The following CREB1 variants were observed in gnomAD, a reference collection of about 807,000 sequenced individuals.
The protein encoded by CREB1 is cAMP responsive element binding protein 1, also known as cyclic AMP-responsive element-binding protein 1.
In CREB1, 2 loss-of-function variants were observed where a neutral mutation model predicts 42.0. The ratio of observed to expected loss-of-function variants is 0.05; its 90% CI spans 0.02 to 0.15. The LOEUF is 0.15. CREB1 is among the 10% of genes least tolerant of loss of function. The probability of loss-of-function intolerance (pLI) is 1.00; values close to 1 mark genes in which losing one functional copy is unlikely to be tolerated. For synonymous variants in CREB1, 123 were observed against 139.9 expected (o/e 0.88, Z 0.85); for missense variants, 199 against 388.9 (o/e 0.51, Z 4.11).
chr2:207,596,070 G>C (rs1011925082), intron 7 of CREB1, among the ~76,000 whole-genome samples: 2 of 152,116 alleles, frequency 1.3e-5, no homozygotes, highest in African/African-American at 2.4e-5. Context: ...ATGTCAGAGA[G>C]TGTTTTCTTC....
At chr2:207,588,706 C>G (rs1485289004) in intron 7 of CREB1, among the ~76,000 whole-genome samples, 4 of 138,040 alleles carry the variant, frequency 2.9e-5, no homozygotes, top group Non-Finnish European at 6.1e-5. Flanking sequence ...TGGATTTATA[C>G]CCAAGTATGA....
At chr2:207,530,443 G>T (rs1333830698) in intron 1 of CREB1, among the ~76,000 whole-genome samples, 1 of 145,478 alleles carries the variant, frequency 6.9e-6, no homozygotes, top group African/African-American at 2.5e-5. Flanking sequence ...GGGGGTGTGT[G>T]CGGGCGGCCG....
At position 207,570,114 on chromosome 2, in the gene CREB1, A is replaced by G. The variant is rs1328643174; in HGVS notation, c.363-65A>G. ...TCTGTGAGTTTTCTCATCTTTAACT[A>G]TATTTGTATTTAGCCAGTAAATTGT... On this transcript the variant is annotated intron_variant, in intron 4 of 7. Transcript: ENST00000353267. 5 of 1,229,866 alleles carry G rather than the reference A, an allele frequency of 4.1e-6. No homozygotes were observed. The African/African-American group carries it at 6.3e-5, about 15-fold the overall frequency. The allele number at this position is 1,229,866 out of a possible 1,614,324, so 76.2% of individuals were successfully genotyped here.
At chr2:207,534,273 G>C (rs1318615808) in intron 1 of CREB1, among the ~76,000 whole-genome samples, 1 of 152,154 alleles carries the variant, frequency 6.6e-6, no homozygotes, top group Non-Finnish European at 1.5e-5. Context: ...GTCTTGCTCT[G>C]TTGCCCAGGA....
chr2:207,586,655 A>C (rs1454915799), intron 7 of CREB1, among the ~76,000 whole-genome samples: 1 of 152,230 alleles, frequency 6.6e-6, no homozygotes, highest in African/African-American at 2.4e-5. Context: ...CAAACTGTTC[A>C]TCTGACAAGG....
intron 1 of CREB1, among the ~76,000 whole-genome samples, chr2:207,532,916 C>T (rs906697856): frequency 6.6e-6 from 1 of 151,670 alleles, no homozygotes; most frequent in African/African-American, 2.4e-5. Context: ...CCACCGCGCC[C>T]GGCCTGTTTT....
intron 1 of CREB1, among the ~76,000 whole-genome samples, chr2:207,537,274 G>A (rs961983591): frequency 4.6e-5 from 7 of 151,980 alleles, no homozygotes; most frequent in Admixed American, 1.3e-4. Context: ...CCTTGACCTC[G>A]TGATCCACCC....
At chr2:207,544,404 T>C (rs1220763983) in intron 1 of CREB1, among the ~76,000 whole-genome samples, 1 of 152,216 alleles carries the variant, frequency 6.6e-6, no homozygotes, top group Non-Finnish European at 1.5e-5. Flanking sequence ...AATAGAAGTT[T>C]ATGGTTTTAA....
intron 1 of CREB1, among the ~76,000 whole-genome samples, chr2:207,547,319 G>A (rs534997535): frequency 6.6e-6 from 1 of 152,218 alleles, no homozygotes; most frequent in Non-Finnish European, 1.5e-5. Flanking sequence ...TTAAGTAAAT[G>A]TAAGTAGGCT....
At chr2:207,582,932 C>T (rs772835520) in intron 7 of CREB1, 231 of 217,472 alleles carry the variant, frequency 1.1e-3, no homozygotes, top group Non-Finnish European at 1.7e-3. Context: ...TATATATATA[C>T]ATACACACAC....
intron 1 of CREB1, among the ~76,000 whole-genome samples, chr2:207,552,029 C>T (rs529600148): frequency 2.4e-4 from 20 of 84,190 alleles, no homozygotes; most frequent in East Asian, 4.8e-4. Context: ...GCAACAAGAG[C>T]GAAACTCCGT....
In CREB1 at chr2:207,598,617, T is replaced by G. The variant is rs150397030; in HGVS notation, c.*1559T>G. The G allele has an allele frequency of 0.015, 2,487 of 169,984 alleles. 64 individuals are homozygous for G. The highest frequency in any genetic ancestry group is 0.055 in the African/African-American group (2,319 of 42,046). The allele number at this position is 169,984 out of a possible 1,614,324, so 10.5% of individuals were successfully genotyped here. A position where few individuals can be genotyped will look rare whatever the true frequency, so the allele number is the denominator to read the frequency against. Reference sequence around the variant, plus strand: ...ATCCCAGCACTTTGGGAGGCCAAGGTGGGTGGATCACCTGTGGTCAAGAGT... The same window carrying G: ...ATCCCAGCACTTTGGGAGGCCAAGGGGGGTGGATCACCTGTGGTCAAGAGT... On this transcript the variant is annotated 3_prime_UTR_variant, in exon 8 of 8. Coordinates refer to ENST00000353267, the MANE Select transcript of CREB1 (RefSeq NM_004379.5).
At chr2:207,541,459 C>T (rs2081096737) in intron 1 of CREB1, among the ~76,000 whole-genome samples, 1 of 151,952 alleles carries the variant, frequency 6.6e-6, no homozygotes, top group African/African-American at 2.4e-5. Flanking sequence ...AAATACTTAC[C>T]GTTGTGTTAC....
intron 1 of CREB1, among the ~76,000 whole-genome samples, chr2:207,554,665 C>G (rs2081643771): frequency 6.6e-6 from 1 of 152,104 alleles, no homozygotes; most frequent in Non-Finnish European, 1.5e-5. Context: ...TTACATTACC[C>G]TACAAATATA....
At chr2:207,578,888 T>G (rs1456545994) in intron 7 of CREB1, among the ~76,000 whole-genome samples, 2 of 152,026 alleles carry the variant, frequency 1.3e-5, no homozygotes, top group Non-Finnish European at 2.9e-5. Context: ...CCTCCTGGGT[T>G]CAAGCAATTC....
At chr2:207,584,228 T>A (rs1336696461) in intron 7 of CREB1, among the ~76,000 whole-genome samples, 3 of 152,224 alleles carry the variant, frequency 2.0e-5, no homozygotes, top group African/African-American at 7.2e-5. Flanking sequence ...TTAAATAAAC[T>A]GTCCAATTGT....
At chr2:207,570,040 C>CAAA (rs757439012) in intron 4 of CREB1, 139 bp from the exon 5 acceptor site, 1,212 of 176,758 alleles carry the variant, frequency 6.9e-3, no homozygotes, top group South Asian at 0.012. Context: ...GACTCCATCT[C>CAAA]AAAAAAAAAA....
intron 3 of CREB1, among the ~76,000 whole-genome samples, chr2:207,564,480 G>C (rs1428595272): frequency 6.6e-6 from 1 of 151,572 alleles, no homozygotes; most frequent in African/African-American, 2.4e-5. Context: ...CTGCACTCCA[G>C]CCTCGGTGAG....
intron 3 of CREB1, among the ~76,000 whole-genome samples, chr2:207,562,226 T>G (rs1392985474): frequency 6.6e-6 from 1 of 152,212 alleles, no homozygotes; most frequent in African/African-American, 2.4e-5. Context: ...GAGACCTAGA[T>G]TCCAGACCCA....
Sources: allele counts gnomAD v4.1 joint callset (sites outside exome capture counted in the v4.1 genomes callset), GRCh38; gene constraint gnomAD v4.1.1; transcripts MANE v1.5; gene names NCBI Gene and HGNC (gene_info 2026-07-23, HGNC 2026-07-21).